Variants in TDRD15 observed in about 807,000 individuals in gnomAD.
The protein encoded by TDRD15 is tudor domain-containing protein 15.
For missense variants in TDRD15, 1,416 were observed against 904.7 expected (o/e 1.57, Z -7.25); for synonymous variants, 503 against 314.5 (o/e 1.60, Z -6.34).
intron 2 of TDRD15, among the ~76,000 whole-genome samples, chr2:21,131,082 A>G (rs1355943907): frequency 6.6e-6 from 1 of 152,144 alleles, no homozygotes; most frequent in Admixed American, 6.5e-5. Context: ...CAAGCTCCTC[A>G]CTTTAAGGAA....
At chr2:21,134,192 A>G (rs1236867062) in intron 2 of TDRD15, among the ~76,000 whole-genome samples, 1 of 151,874 alleles carries the variant, frequency 6.6e-6, no homozygotes, top group African/African-American at 2.4e-5. Flanking sequence ...TTTTAATAGT[A>G]TTTGTAGATT....
At chr2:21,134,877 C>T (rs1005118238) in intron 3 of TDRD15, 30 bp downstream of exon 3, 2 of 151,030 alleles carry the variant, frequency 1.3e-5, no homozygotes, top group African/African-American at 4.9e-5. Context: ...TAATAGTCTT[C>T]TAAGGATTAT....
Position 21,140,641 on chromosome 2 carries a change from T to C in TDRD15, c.3174T>C (p.Asn1058=), listed in dbSNP as rs533945373. 1.4e-6 allele frequency: 1 copy of C among 715,274 alleles called. No individual in the cohort carries two copies. The highest frequency in any genetic ancestry group is 1.5e-5 in the South Asian group (1 of 67,478). The allele number at this position is 715,274 out of a possible 1,614,324, so 44.3% of individuals were successfully genotyped here. ...DFGNKQLVGE[N]MLRAISAQFP... ...GAAATAAGCAATTAGTAGGAGAAAA[T>C]ATGTTGAGGGCCATTTCAGCTCAGT... Residue 1058 remains asparagine, a synonymous_variant, in exon 4 of 4, where the codon AAT becomes AAC. Coordinates refer to ENST00000405799, the MANE Select transcript of TDRD15 (RefSeq NM_001306137.2).
rs1665717161 is a variant in TDRD15 at position 21,131,475 on chromosome 2, T to A, written c.-89-3287T>A. 2.0e-5 allele frequency among the ~76,000 whole-genome samples: 3 copies of A among 152,234 alleles called. No individual in the cohort carries two copies. The South Asian group carries it at 6.2e-4, about 31-fold the overall frequency. ...GAAACTACTACTCATTGAGTTGTTG[T>A]GCATATCAAAGAACGTCTTCAGTTA... is the stretch of plus-strand genomic sequence containing the variant. On this transcript the variant is annotated intron_variant, in intron 2 of 3. Coordinates refer to ENST00000405799, the MANE Select transcript of TDRD15 (RefSeq NM_001306137.2).
In TDRD15 at chr2:21,142,321, A is replaced by C. The variant is rs1285790615; in HGVS notation, c.4854A>C (p.Val1618=). The part of the protein sequence containing the change: ...FLVDCGIYEI[V]PVCNTKLLSN... ...TAGATTGTGGTATCTATGAAATAGTACCTGTATGTAATACCAAGCTGCTTA... is the reference window on the plus strand; with the variant it reads ...TAGATTGTGGTATCTATGAAATAGTCCCTGTATGTAATACCAAGCTGCTTA... The change falls in exon 4 of 4, where the codon GTA becomes GTC. Residue 1618 remains valine (V), a synonymous_variant. Coordinates refer to ENST00000405799, the MANE Select transcript of TDRD15 (RefSeq NM_001306137.2). The C allele has an allele frequency of 1.5e-6, 1 of 688,770 alleles. No homozygotes were observed. Among genetic ancestry groups the C allele is most frequent in the Non-Finnish European group, 2.7e-6 (1 of 376,034 alleles). 42.7% of individuals were successfully genotyped at this position (688,770 alleles called of 1,614,324 possible).
intron 2 of TDRD15, among the ~76,000 whole-genome samples, chr2:21,134,429 G>T (rs1409990938): frequency 1.3e-5 from 2 of 151,834 alleles, no homozygotes; most frequent in Non-Finnish European, 2.9e-5. Context: ...ATTTTTGTTT[G>T]ACTCTGTGTT....
chr2:21,131,171 C>T (rs1382957626), intron 2 of TDRD15, among the ~76,000 whole-genome samples: 2 of 152,068 alleles, frequency 1.3e-5, no homozygotes, highest in Non-Finnish European at 2.9e-5. Flanking sequence ...TTATGTCTGC[C>T]ATTTTGAGTT....
intron 2 of TDRD15, among the ~76,000 whole-genome samples, chr2:21,128,183 T>C (rs1405192691): frequency 6.6e-6 from 1 of 152,188 alleles, no homozygotes; most frequent in Non-Finnish European, 1.5e-5. Flanking sequence ...ATGTTTTTCC[T>C]AATACAGTAC....
chr2:21,138,124 T>TA lies in TDRD15; in HGVS notation c.660dup (p.Asp221ArgfsTer5). ...AAAGGCCTGAATTGTCATTAGGTAA[T>TA]AAAGATACTTCACTTGATATTCAGC... is the stretch of plus-strand genomic sequence containing the variant. On this transcript the variant is annotated frameshift_variant, in exon 4 of 4. Coordinates refer to ENST00000405799, the MANE Select transcript of TDRD15 (RefSeq NM_001306137.2). LOFTEE classifies it low-confidence loss of function (END_TRUNC). The TA allele has an allele frequency of 1.4e-6, 1 of 716,570 alleles. No individual in the cohort carries two copies. Among genetic ancestry groups the TA allele is most frequent in the Non-Finnish European group, 2.6e-6 (1 of 384,456 alleles). The allele number at this position is 716,570 out of a possible 1,614,324, so 44.4% of individuals were successfully genotyped here. A position where few individuals can be genotyped will look rare whatever the true frequency, so the allele number is the denominator to read the frequency against.
intron 2 of TDRD15, among the ~76,000 whole-genome samples, chr2:21,132,130 C>T (rs948504619): frequency 5.9e-5 from 9 of 152,010 alleles, no homozygotes; most frequent in Middle Eastern, 3.2e-3. Flanking sequence ...AAAAGATTCA[C>T]GCAATGTCAA....
intron 1 of TDRD15, among the ~76,000 whole-genome samples, chr2:21,125,955 C>A (rs1426417787): frequency 6.6e-6 from 1 of 151,930 alleles, no homozygotes; most frequent in African/African-American, 2.4e-5. Flanking sequence ...AATAAGTCCT[C>A]TGTGAATTAT....
At chr2:21,126,831 G>T (rs572466179) in intron 1 of TDRD15, among the ~76,000 whole-genome samples, 9 of 152,296 alleles carry the variant, frequency 5.9e-5, no homozygotes, top group African/African-American at 1.7e-4. Flanking sequence ...TAAATACTCG[G>T]AAGTGGAATG....
chr2:21,126,950 T>G (rs312962), intron 1 of TDRD15, among the ~76,000 whole-genome samples: 47,687 of 152,150 alleles, frequency 0.31, 8,940 homozygotes, highest in South Asian at 0.58. Context: ...GTCTGTGACC[T>G]TTGCAGTTAT....
chr2:21,132,833 C>G (rs914729596), intron 2 of TDRD15, among the ~76,000 whole-genome samples: 6 of 152,008 alleles, frequency 3.9e-5, no homozygotes, highest in Non-Finnish European at 8.8e-5. Context: ...TATTTTTGCT[C>G]TCACTAAAGC....
intron 3 of TDRD15, among the ~76,000 whole-genome samples, chr2:21,135,959 C>A (rs1156232535): frequency 6.6e-6 from 1 of 151,948 alleles, no homozygotes; most frequent in African/African-American, 2.4e-5. Flanking sequence ...TATATACCAC[C>A]TCTGTTTAAT....
At position 21,142,314 on chromosome 2, in the gene TDRD15, A is replaced by G. The variant is rs1352225172; in HGVS notation, c.4847A>G (p.Glu1616Gly). Residue 1616 changes from glutamate (E) to glycine (G), a missense_variant, in exon 4 of 4, where the codon GAA becomes GGA. By Grantham distance (98) the Glu-to-Gly change is moderately conservative. Coordinates refer to ENST00000405799, the MANE Select transcript of TDRD15 (RefSeq NM_001306137.2). ...TTTTTAGTAGATTGTGGTATCTATG[A>G]AATAGTACCTGTATGTAATACCAAG... is the stretch of plus-strand genomic sequence containing the variant. ...LVFLVDCGIYEIVPVCNTKLL... is the reference protein window; with the variant it reads ...LVFLVDCGIYGIVPVCNTKLL... The G allele has an allele frequency of 1.5e-5, 10 of 689,252 alleles. No homozygotes were observed. The highest frequency in any genetic ancestry group is 2.4e-5 in the Admixed American group (1 of 42,224). The allele number at this position is 689,252 out of a possible 1,614,324, so 42.7% of individuals were successfully genotyped here. A position where few individuals can be genotyped will look rare whatever the true frequency, so the allele number is the denominator to read the frequency against.
At chr2:21,145,867 T>TA (rs1052401927), downstream of TDRD15, among the ~76,000 whole-genome samples, 5 of 151,992 alleles carry the variant, frequency 3.3e-5, no homozygotes, top group African/African-American at 9.7e-5. Context: ...GAAAGGGTCT[T>TA]ACGTACTAAA....
At chr2:21,125,262 T>A (rs1665561700) in intron 1 of TDRD15, among the ~76,000 whole-genome samples, 1 of 132,818 alleles carries the variant, frequency 7.5e-6, no homozygotes, top group East Asian at 3.0e-4. Context: ...AGAGAAATCC[T>A]AGTTCTAGCG....
intron 1 of TDRD15, among the ~76,000 whole-genome samples, 176 bp downstream of exon 1, chr2:21,124,222 C>G (rs879617532): frequency 2.6e-5 from 4 of 152,162 alleles, no homozygotes; most frequent in Non-Finnish European, 4.4e-5. Context: ...CCTCTAATGG[C>G]GGCGGCGGCT....
Sources: allele counts gnomAD v4.1 joint callset (sites outside exome capture counted in the v4.1 genomes callset), GRCh38; gene constraint gnomAD v4.1.1; transcripts MANE v1.5; gene names NCBI Gene and HGNC (gene_info 2026-07-23, HGNC 2026-07-21).